The following NRXN3 variants were observed in gnomAD, a reference collection of about 807,000 sequenced individuals.
NRXN3 encodes neurexin III.
A neutral mutation model predicts 137.6 loss-of-function variants in NRXN3; 32 were observed. The ratio of observed to expected loss-of-function variants is 0.23; its 90% CI spans 0.18 to 0.31. The LOEUF is 0.31. Among genes scored for constraint, NRXN3 ranks in the 10% least tolerant of loss-of-function variants. The probability of loss-of-function intolerance (pLI) is 1.00; values close to 1 mark genes in which losing one functional copy is unlikely to be tolerated. For missense variants in NRXN3, 1,574 were observed against 2,062.5 expected (o/e 0.76, Z 4.59); for synonymous variants, 798 against 784.5 (o/e 1.02, Z -0.29).
intron 19 of NRXN3, among the ~76,000 whole-genome samples, chr14:79,743,183 A>G (rs1449964491): frequency 6.6e-6 from 1 of 152,120 alleles, no homozygotes; most frequent in Non-Finnish European, 1.5e-5. Context: ...TTTTAAAGGA[A>G]TATATTTAGG....
At chr14:78,633,448 C>G (rs1409393702) in intron 4 of NRXN3, among the ~76,000 whole-genome samples, 1 of 152,102 alleles carries the variant, frequency 6.6e-6, no homozygotes, top group African/African-American at 2.4e-5. Flanking sequence ...AGAGAACTCT[C>G]CCTCCCCACT....
At chr14:78,370,384 CTCT>C (rs1200148839) in intron 4 of NRXN3, among the ~76,000 whole-genome samples, 1 of 151,716 alleles carries the variant, frequency 6.6e-6, no homozygotes, top group Non-Finnish European at 1.5e-5. Context: ...TGGTAGATGC[CTCT>C]TCATCCTTCC....
chr14:78,723,111 C>T (rs986252951), intron 8 of NRXN3, among the ~76,000 whole-genome samples: 3 of 152,250 alleles, frequency 2.0e-5, no homozygotes, highest in Middle Eastern at 3.4e-3. Flanking sequence ...AAACACTTTG[C>T]TCTCCCAACA....
chr14:78,968,351 A>T lies in NRXN3; in HGVS notation c.3142+5A>T. On this transcript the variant is annotated splice_donor_5th_base_variant and intron_variant, in intron 14 of 20. Transcript: ENST00000335750. ...AGATCGAGCGTGGCTGTGAAGGTAC[A>T]ACCTATTTTTTTCTTGTTAAGCTAC... is the stretch of plus-strand genomic sequence containing the variant. The T allele has an allele frequency of 6.2e-7, 1 of 1,611,574 alleles. No homozygotes were observed. The highest frequency in any genetic ancestry group is 8.5e-7 in the Non-Finnish European group (1 of 1,178,268).
intron 8 of NRXN3, among the ~76,000 whole-genome samples, chr14:78,758,968 C>A (rs2098681191): frequency 6.6e-6 from 1 of 152,178 alleles, no homozygotes; most frequent in Non-Finnish European, 1.5e-5. Flanking sequence ...AGAAAAGCAG[C>A]AATGCTGGCT....
chr14:78,347,127 C>A (rs971863422), intron 4 of NRXN3, among the ~76,000 whole-genome samples: 1 of 152,168 alleles, frequency 6.6e-6, no homozygotes, highest in Non-Finnish European at 1.5e-5. Context: ...TTATGAATTG[C>A]CGTCAATTAC....
intron 16 of NRXN3, among the ~76,000 whole-genome samples, chr14:79,579,555 G>A (rs2097695952): frequency 6.6e-6 from 1 of 151,728 alleles, no homozygotes; most frequent in Non-Finnish European, 1.5e-5. Context: ...TAAATAATCG[G>A]TAATAGAAGT....
intron 19 of NRXN3, among the ~76,000 whole-genome samples, chr14:79,735,959 C>A (rs1386522855): frequency 6.6e-6 from 1 of 152,092 alleles, no homozygotes. Context: ...AAATAATGTA[C>A]AAAATTACCA....
At chr14:79,050,840 A>G (rs1322589484) in intron 15 of NRXN3, among the ~76,000 whole-genome samples, 1 of 152,236 alleles carries the variant, frequency 6.6e-6, no homozygotes, top group Non-Finnish European at 1.5e-5. Context: ...TTTGCATAAC[A>G]GAAGTACTTA....
intron 16 of NRXN3, among the ~76,000 whole-genome samples, chr14:79,537,106 G>A (rs1192511278): frequency 6.6e-6 from 1 of 152,022 alleles, no homozygotes; most frequent in Non-Finnish European, 1.5e-5. Flanking sequence ...CTTCTCCACA[G>A]CCTCACTAGC....
chr14:79,781,590 A>G (rs1216484364), intron 19 of NRXN3, among the ~76,000 whole-genome samples: 1 of 152,216 alleles, frequency 6.6e-6, no homozygotes, highest in East Asian at 1.9e-4. Context: ...CTGAGGATGT[A>G]AGAAAGAACT....
At chr14:78,816,616 C>G (rs1453909341) in intron 10 of NRXN3, among the ~76,000 whole-genome samples, 1 of 152,048 alleles carries the variant, frequency 6.6e-6, no homozygotes, top group African/African-American at 2.4e-5. Context: ...GAAGTATATA[C>G]TTTTGTTCAT....
chr14:78,222,520 A>G lies in NRXN3; in HGVS notation c.-703-19871A>G, dbSNP rs114452576. ...GGCAGATGCTTCCCGGGGAGGAGAT[A>G]GTTTTAGGGGGAGGTGGTCACAGAT... On this transcript the variant is annotated intron_variant, in intron 1 of 20. Transcript: ENST00000335750. 6.8e-3 allele frequency among the ~76,000 whole-genome samples: 1,033 copies of G among 152,266 alleles called. 14 individuals are homozygous for G. Among genetic ancestry groups the G allele is most frequent in the African/African-American group, 0.024 (984 of 41,546 alleles).
chr14:79,622,148 A>C (rs1224853342), intron 16 of NRXN3, among the ~76,000 whole-genome samples: 1 of 152,174 alleles, frequency 6.6e-6, no homozygotes, highest in African/African-American at 2.4e-5. Flanking sequence ...GTTATGGTTT[A>C]GCTCATAGTC....
intron 3 of NRXN3, among the ~76,000 whole-genome samples, chr14:78,278,912 G>A (rs2074002451): frequency 6.6e-6 from 1 of 152,178 alleles, no homozygotes; most frequent in Admixed American, 6.5e-5. Flanking sequence ...ATTTCTGGGT[G>A]ATTCAGAAAA....
chr14:78,630,597 C>CTTTTTTTTTTTTTTTTTTTT (rs370862037), intron 4 of NRXN3, among the ~76,000 whole-genome samples: 2 of 127,838 alleles, frequency 1.6e-5, no homozygotes, highest in African/African-American at 2.9e-5. Context: ...TTCTTTCTTT[C>CTTTTTTTTTTTTTTTTTTTT]TTTTTTTTTT....
chr14:78,308,732 A>ATTGTGTGTGTGTGT (rs1257325053), intron 4 of NRXN3, among the ~76,000 whole-genome samples: 1 of 151,970 alleles, frequency 6.6e-6, no homozygotes, highest in Non-Finnish European at 1.5e-5. Flanking sequence ...CTCAAATACT[A>ATTGTGTGTGTGTGT]TTGTGTGTGT....
At chr14:78,879,793 AG>A (rs1567594248) in intron 10 of NRXN3, among the ~76,000 whole-genome samples, 1 of 152,174 alleles carries the variant, frequency 6.6e-6, no homozygotes, top group African/African-American at 2.4e-5. Flanking sequence ...TGAGAAAAGC[AG>A]GTGAGCCTTA....
intron 15 of NRXN3, among the ~76,000 whole-genome samples, chr14:79,260,205 G>A (rs1290423682): frequency 6.6e-6 from 1 of 151,968 alleles, no homozygotes; most frequent in Admixed American, 6.6e-5. Flanking sequence ...TATATCTTAT[G>A]TATTTAAAAC....
Sources: gnomAD v4.1 joint callset for allele counts (sites outside exome capture counted in the v4.1 genomes callset) on GRCh38, gnomAD v4.1.1 for gene constraint, MANE v1.5 for transcripts, NCBI Gene and HGNC (gene_info 2026-07-23, HGNC 2026-07-21) for gene names.